Variants in ALPK1 observed in about 807,000 individuals in gnomAD.
The protein encoded by ALPK1 is alpha kinase 1.
Under a neutral mutation model 120.6 loss-of-function variants are expected in ALPK1, and 110 were observed. The observed-to-expected ratio is 0.91, with a 90% CI of 0.78 to 1.07. The LOEUF (loss-of-function observed/expected upper bound fraction) is 1.07. Ranked by LOEUF, ALPK1 falls within the 50% of genes least tolerant of loss-of-function variation. The pLI is 0.00. For missense variants in ALPK1, 1,498 were observed against 1,483.9 expected (o/e 1.01, Z -0.16); for synonymous variants, 582 against 560.3 (o/e 1.04, Z -0.55).
intron 2 of ALPK1, chr4:112,356,335 C>T (rs1335522239): frequency 1.1e-6 from 1 of 892,276 alleles, no homozygotes; most frequent in Non-Finnish European, 1.9e-6. Context: ...CCATCTTTGC[C>T]TGCAATTTTG....
rs544477892 is a variant in ALPK1, at chr4:112,306,150, C to A, written c.-153+8681C>A. ...TTGATGCACTGCTGGATTTGGTTTGCCAGTATTTTATTGAGGATTTTTGCA... is the reference window on the plus strand; with the variant it reads ...TTGATGCACTGCTGGATTTGGTTTGACAGTATTTTATTGAGGATTTTTGCA... On this transcript the variant is annotated intron_variant, in intron 1 of 15. Coordinates refer to ENST00000650871, the MANE Select transcript of ALPK1 (RefSeq NM_025144.4). 4.1e-4 allele frequency among the ~76,000 whole-genome samples: 62 copies of A among 152,128 alleles called. No individual in the cohort carries two copies. In the Middle Eastern group the frequency reaches 0.01, roughly 25 times the overall value.
chr4:112,356,523 C>G, intron 2 of ALPK1: 1 of 862,046 alleles, frequency 1.2e-6, no homozygotes, highest in Non-Finnish European at 2.0e-6. Context: ...CACCTCCTAC[C>G]GGCCTGAGGT....
At chr4:112,356,159 G>T in intron 2 of ALPK1, 1 of 1,606,802 alleles carries the variant, frequency 6.2e-7, no homozygotes, top group South Asian at 1.1e-5. Flanking sequence ...CCTGAATGGT[G>T]TGACCGTAGA....
intron 4 of ALPK1, among the ~76,000 whole-genome samples, chr4:112,402,320 A>G (rs1732954736): frequency 1.3e-5 from 2 of 152,294 alleles, no homozygotes; most frequent in Admixed American, 1.3e-4. Flanking sequence ...AACACATCAC[A>G]GCTTTGAACC....
chr4:112,349,055 GTTT>G (rs576793050), intron 2 of ALPK1, among the ~76,000 whole-genome samples: 1 of 145,610 alleles, frequency 6.9e-6, no homozygotes, highest in Non-Finnish European at 1.5e-5. Flanking sequence ...TGCAGTTTTT[GTTT>G]TTTTTTTGTC....
intron 4 of ALPK1, among the ~76,000 whole-genome samples, chr4:112,401,862 T>G (rs1362093265): frequency 2.5e-4 from 38 of 152,228 alleles, no homozygotes; most frequent in Admixed American, 2.5e-3. Context: ...TCAGAAGGGT[T>G]TGAATCTGCA....
At chr4:112,306,427 G>T (rs1016960235) in intron 1 of ALPK1, among the ~76,000 whole-genome samples, 6 of 152,004 alleles carry the variant, frequency 3.9e-5, no homozygotes, top group Non-Finnish European at 8.8e-5. Context: ...CAATTTCAGA[G>T]CCTGTTATTG....
At chr4:112,384,788 G>A (rs981171352) in intron 4 of ALPK1, 1 of 152,188 alleles carries the variant, frequency 6.6e-6, no homozygotes, top group African/African-American at 2.4e-5. Context: ...GAGGGTCAAG[G>A]TAAGGAGTAA....
intron 2 of ALPK1, among the ~76,000 whole-genome samples, chr4:112,321,264 T>C (rs995829286): frequency 5.3e-5 from 8 of 152,196 alleles, no homozygotes; most frequent in Non-Finnish European, 8.8e-5. Context: ...ATCTCACTAA[T>C]GGTCTAACAA....
intron 8 of ALPK1, among the ~76,000 whole-genome samples, chr4:112,426,885 A>G (rs1458651294): frequency 6.6e-6 from 1 of 152,188 alleles, no homozygotes; most frequent in Non-Finnish European, 1.5e-5. Context: ...GCTTATATGT[A>G]AAATCAGTTT....
At chr4:112,308,317 G>C (rs61151897) in intron 1 of ALPK1, among the ~76,000 whole-genome samples, 13,406 of 152,054 alleles carry the variant, frequency 0.088, 1,155 homozygotes, top group East Asian at 0.29. Flanking sequence ...TGGGGAAGTT[G>C]TCCTGGATAA....
At chr4:112,383,711 T>C (rs1411400442) in intron 4 of ALPK1, 1 of 152,218 alleles carries the variant, frequency 6.6e-6, no homozygotes, top group Non-Finnish European at 1.5e-5. Flanking sequence ...ACAAAGTGCT[T>C]GTAACACTTT....
At chr4:112,439,599 A>G (rs1734941024) in intron 13 of ALPK1, 87 bp from the exon 14 acceptor site, 1 of 1,132,270 alleles carries the variant, frequency 8.8e-7, no homozygotes, top group African/African-American at 1.6e-5. Context: ...AAAGTGGCAG[A>G]GCCTAGGTTC....
In ALPK1 at chr4:112,425,770, T is replaced by G; in HGVS notation, c.622+19T>G. ...AAGCTGGGTACAATCATGTAAAACT[T>G]GCATTTCTCAAGGCTCATTTACAAA... On this transcript the variant is annotated intron_variant, in intron 7 of 15. Transcript: ENST00000650871. 2 of 1,598,686 alleles carry G rather than the reference T, an allele frequency of 1.3e-6. No individual in the cohort carries two copies. Among genetic ancestry groups the G allele is most frequent in the Non-Finnish European group, 1.7e-6 (2 of 1,168,178 alleles).
intron 6 of ALPK1, among the ~76,000 whole-genome samples, chr4:112,424,745 G>A (rs919797047): frequency 6.6e-6 from 1 of 152,042 alleles, no homozygotes; most frequent in African/African-American, 2.4e-5. Flanking sequence ...CTAAACTACA[G>A]TATACACTCT....
intron 2 of ALPK1, among the ~76,000 whole-genome samples, chr4:112,354,528 C>T (rs993925944): frequency 6.6e-6 from 1 of 152,154 alleles, no homozygotes; most frequent in African/African-American, 2.4e-5. Context: ...AGTGTAATGG[C>T]ATAATCTTGG....
intron 4 of ALPK1, among the ~76,000 whole-genome samples, chr4:112,405,185 C>T (rs62316113): frequency 0.097 from 14,723 of 152,166 alleles, 756 homozygotes; most frequent in Non-Finnish European, 0.11. Flanking sequence ...TGGGCCTCTC[C>T]GGACTCCAAG....
At chr4:112,403,846 A>C (rs1733036926) in intron 4 of ALPK1, among the ~76,000 whole-genome samples, 1 of 152,224 alleles carries the variant, frequency 6.6e-6, no homozygotes, top group Non-Finnish European at 1.5e-5. Context: ...TTTGTGCTCC[A>C]ATCTATTAAG....
At position 112,440,962 on chromosome 4, in the gene ALPK1, C is replaced by T; in HGVS notation, c.3584C>T (p.Pro1195Leu). The T allele has an allele frequency of 6.2e-7, 1 of 1,613,702 alleles. No individual in the cohort carries two copies. Among genetic ancestry groups the T allele is most frequent in the African/African-American group, 1.3e-5 (1 of 74,950 alleles). The stretch of plus-strand genomic sequence containing the variant: ...AAAGGACTCATCTACCTCACAGATC[C>T]CCAGATTCACTCCGTTGATCAGAAA... ...NGKGLIYLTD[P>L]QIHSVDQKVF... The change falls in exon 15 of 16, where the codon CCC (proline) becomes CTC (leucine). Residue 1195 changes from proline (P) to leucine (L), a missense_variant. Pro to Leu is a moderately conservative substitution (Grantham distance 98, BLOSUM62 -3). Coordinates refer to ENST00000650871, the MANE Select transcript of ALPK1 (RefSeq NM_025144.4).
Sources: gnomAD v4.1 joint callset for allele counts (sites outside exome capture counted in the v4.1 genomes callset) on GRCh38, gnomAD v4.1.1 for gene constraint, MANE v1.5 for transcripts, NCBI Gene and HGNC (gene_info 2026-07-23, HGNC 2026-07-21) for gene names.